Variants in PIEZO2 observed in about 807,000 individuals in gnomAD.
The protein encoded by PIEZO2 is piezo-type mechanosensitive ion channel component 2.
A neutral mutation model predicts 337.3 loss-of-function variants in PIEZO2; 172 were observed. That is an observed-to-expected ratio of 0.51 (90% CI 0.45 to 0.58). PIEZO2 has a LOEUF of 0.58. Ranked by LOEUF, PIEZO2 falls within the 20% of genes least tolerant of loss-of-function variation. The pLI is 0.00. For missense variants in PIEZO2, 3,028 were observed against 3,391.3 expected, an observed-to-expected ratio of 0.89 and a Z score of 2.66; for synonymous variants, 1,251 against 1,228.5, an observed-to-expected ratio of 1.02 and a Z score of -0.38.
At chr18:10,970,043 A>G (rs559239523) in intron 3 of PIEZO2, among the ~76,000 whole-genome samples, 1 of 152,346 alleles carries the variant, frequency 6.6e-6, no homozygotes, top group South Asian at 2.1e-4. Flanking sequence ...TAATTTGATC[A>G]TATTCTAATG....
At chr18:10,694,802 T>A (rs1194655035) in intron 47 of PIEZO2, among the ~76,000 whole-genome samples, 3 of 152,108 alleles carry the variant, frequency 2.0e-5, no homozygotes, top group African/African-American at 7.2e-5. Flanking sequence ...GCCACTGCAC[T>A]CTAGCCTGGG....
At position 10,672,080 on chromosome 18, in the gene PIEZO2, G is replaced by A. The variant is rs975061644; in HGVS notation, c.8346-301C>T. Among the ~76,000 whole-genome samples, 3 of 152,156 alleles carry A rather than the reference G, an allele frequency of 2.0e-5. No individual in the cohort carries two copies. Among genetic ancestry groups the A allele is most frequent in the South Asian group, 2.1e-4 (1 of 4,832 alleles). On this transcript the variant is annotated intron_variant, in intron 55 of 55. Coordinates refer to ENST00000674853, the MANE Select transcript of PIEZO2 (RefSeq NM_001378183.1). The surrounding 1 kb of genome is among the most constrained non-coding windows in gnomAD (Gnocchi z 4.7). Reference sequence around the variant, plus strand: ...TCATGTATGAACTTTAGGTGGTTTTGTTGCATATATTAAATGCATAAACCA... The same window carrying A: ...TCATGTATGAACTTTAGGTGGTTTTATTGCATATATTAAATGCATAAACCA...
intron 2 of PIEZO2, among the ~76,000 whole-genome samples, chr18:11,034,514 C>T (rs1348060830): frequency 5.9e-5 from 9 of 152,022 alleles, no homozygotes; most frequent in Non-Finnish European, 1.2e-4. Flanking sequence ...AGGATGGTCT[C>T]GATCTCCTGA....
chr18:11,055,845 T>G (rs2037714991), intron 2 of PIEZO2, among the ~76,000 whole-genome samples: 1 of 152,090 alleles, frequency 6.6e-6, no homozygotes. Flanking sequence ...CCTTCCCCGT[T>G]GTGTGCGCCC....
chr18:11,085,475 G>C lies in PIEZO2; in HGVS notation c.65-19253C>G, dbSNP rs2038878663. 4.6e-5 allele frequency among the ~76,000 whole-genome samples: 7 copies of C among 152,172 alleles called. No individual in the cohort carries two copies. The South Asian group carries it at 1.5e-3, about 32-fold the overall frequency. On this transcript the variant is annotated intron_variant, in intron 1 of 55. Coordinates refer to ENST00000674853, the MANE Select transcript of PIEZO2 (RefSeq NM_001378183.1). ...TCTTCCTTCCCCCTGTAACGTATCA[G>C]GCAAAATGCAGCTCCAAGCCCATTT...
chr18:10,682,201 C>T lies in PIEZO2; in HGVS notation c.7589G>A (p.Trp2530Ter), dbSNP rs1346091194. ...CAAAGACATGAAGAGAAGAGGAAACCAGACAATGCAGATGAGCAGGACGAT... is the reference window on the plus strand; with the variant it reads ...CAAAGACATGAAGAGAAGAGGAAACTAGACAATGCAGATGAGCAGGACGAT... Reference protein sequence around the residue: ...MIIVLLICIVWFPLLFMSLIK... With the variant: ...MIIVLLICIV Residue 2530 changes from tryptophan to a stop codon, truncating the protein, a stop_gained, in exon 50 of 56, where the codon TGG becomes TAG. Transcript: ENST00000674853. LOFTEE classifies it high-confidence loss of function. This position sits in a 1 kb window ranked among gnomAD's most constrained non-coding sequence, Gnocchi z 5.6. 6.5e-7 allele frequency: 1 copy of T among 1,537,186 alleles called. No homozygotes were observed. The highest frequency in any genetic ancestry group is 8.7e-7 in the Non-Finnish European group (1 of 1,146,902).
At chr18:11,087,536 T>C (rs1465822037) in intron 1 of PIEZO2, among the ~76,000 whole-genome samples, 2 of 152,242 alleles carry the variant, frequency 1.3e-5, no homozygotes, top group African/African-American at 4.8e-5. Flanking sequence ...AAGAAGCTTA[T>C]GACCTCAATG....
chr18:10,755,761 G>C (rs930056731), intron 27 of PIEZO2, among the ~76,000 whole-genome samples: 1 of 152,126 alleles, frequency 6.6e-6, no homozygotes, highest in African/African-American at 2.4e-5. Flanking sequence ...ACAGGCACAG[G>C]GTGGAATCTA....
intron 3 of PIEZO2, among the ~76,000 whole-genome samples, chr18:10,922,517 G>C (rs1056303392): frequency 2.0e-5 from 3 of 152,092 alleles, no homozygotes; most frequent in Non-Finnish European, 4.4e-5. Context: ...CAGGGGCTGA[G>C]CAGAGGCTGA....
intron 3 of PIEZO2, among the ~76,000 whole-genome samples, chr18:10,968,018 A>G (rs1259380042): frequency 6.6e-6 from 1 of 152,164 alleles, no homozygotes; most frequent in African/African-American, 2.4e-5. Flanking sequence ...CTTGGTCATG[A>G]AGTCTTTGCC....
chr18:10,837,940 C>T lies in PIEZO2; in HGVS notation c.917+17413G>A, dbSNP rs538086877. On this transcript the variant is annotated intron_variant, in intron 7 of 55. Transcript: ENST00000674853. This position sits in a 1 kb window ranked among gnomAD's most constrained non-coding sequence, Gnocchi z 4.4. ...CTAATTTTTGTATTTTTAGTAGAGA[C>T]GGGGTTTCGTCATGTTGGCCAGGCT... is the stretch of plus-strand genomic sequence containing the variant. Among the ~76,000 whole-genome samples the T allele has an allele frequency of 8.5e-5, 13 of 152,094 alleles. No individual in the cohort carries two copies. The highest frequency in any genetic ancestry group is 2.4e-4 in the African/African-American group (10 of 41,510).
At chr18:10,902,210 C>T (rs748128569) in intron 4 of PIEZO2, among the ~76,000 whole-genome samples, 37 of 152,240 alleles carry the variant, frequency 2.4e-4, no homozygotes, top group Admixed American at 4.6e-4. Context: ...CCCCTACCCC[C>T]ATCCGTGGAA....
In PIEZO2 at chr18:10,861,375, T is replaced by TAA. The variant is rs540632745; in HGVS notation, c.493-4165_493-4164insTT. On this transcript the variant is annotated intron_variant, in intron 5 of 55. Coordinates refer to ENST00000674853, the MANE Select transcript of PIEZO2 (RefSeq NM_001378183.1). This position sits in a 1 kb window ranked among gnomAD's most constrained non-coding sequence, Gnocchi z 4.3. ...ATTGACCATGTCAAAATCTAAAACT[T>TAA]ATTTAAAGATATTTAAGTCCTTTAT... 3.7e-4 allele frequency among the ~76,000 whole-genome samples: 56 copies of TAA among 152,384 alleles called. 2 individuals carry two copies. In the South Asian group the frequency reaches 0.012, roughly 32 times the overall value.
chr18:10,726,759 G>A lies in PIEZO2; in HGVS notation c.5029+4648C>T, dbSNP rs1224550723. The A allele has an allele frequency of 2.7e-6, 4 of 1,500,580 alleles. No individual in the cohort carries two copies. Among genetic ancestry groups the A allele is most frequent in the Non-Finnish European group, 3.7e-6 (4 of 1,080,488 alleles). The allele number at this position is 1,500,580 out of a possible 1,614,324, so 93.0% of individuals were successfully genotyped here. A position where few individuals can be genotyped will look rare whatever the true frequency, so the allele number is the denominator to read the frequency against. ...GCCAGACCATCGATTTCCCGCTGCT[G>A]ACCTCACTGGGCAAGGTGTCCTATG... On this transcript the variant is annotated intron_variant, in intron 36 of 55. Coordinates refer to ENST00000674853, the MANE Select transcript of PIEZO2 (RefSeq NM_001378183.1). The surrounding 1 kb of genome is among the most constrained non-coding windows in gnomAD (Gnocchi z 5.9).
chr18:11,123,542 C>A (rs1243958628), intron 1 of PIEZO2, among the ~76,000 whole-genome samples: 1 of 152,178 alleles, frequency 6.6e-6, no homozygotes, highest in African/African-American at 2.4e-5. Context: ...GGCACGGTGG[C>A]TCATGCCTGT....
At position 10,993,378 on chromosome 18, in the gene PIEZO2, C is replaced by T. The variant is rs539858842; in HGVS notation, c.161-13718G>A. Among the ~76,000 whole-genome samples the T allele has an allele frequency of 3.4e-4, 52 of 152,196 alleles. No individual in the cohort carries two copies. The highest frequency in any genetic ancestry group is 4.7e-4 in the Non-Finnish European group (32 of 68,018). ...AAACAGCTCTTATTATTTTGAGATG[C>T]GTTCTATTGATACCTAGTTTATTGA... On this transcript the variant is annotated intron_variant, in intron 2 of 55. Transcript: ENST00000674853. This position sits in a 1 kb window ranked among gnomAD's most constrained non-coding sequence, Gnocchi z 5.0.
At chr18:10,710,880 C>A (rs188428241) in intron 39 of PIEZO2, among the ~76,000 whole-genome samples, 8 of 152,326 alleles carry the variant, frequency 5.3e-5, no homozygotes, top group African/African-American at 1.9e-4. Context: ...CAGCTCACTG[C>A]AGAAAAGGGC....
chr18:10,867,479 C>T (rs2042035516), intron 5 of PIEZO2, among the ~76,000 whole-genome samples: 1 of 152,162 alleles, frequency 6.6e-6, no homozygotes. Context: ...TATTGCATCC[C>T]TGAATTTTTA....
chr18:10,675,289 C>T lies in PIEZO2; in HGVS notation c.8082-1G>A. 6.9e-7 allele frequency: 1 copy of T among 1,458,540 alleles called. No individual in the cohort carries two copies. Among genetic ancestry groups the T allele is most frequent in the African/African-American group, 1.5e-5 (1 of 68,858 alleles). 90.3% of individuals were successfully genotyped at this position (1,458,540 alleles called of 1,614,324 possible). ...ATATGGATAAATCTTTTCTATGGTC[C>T]TGTACATTAAGAAAAAAAAGATACA... On this transcript the variant is annotated splice_acceptor_variant, in intron 53 of 55. Transcript: ENST00000674853. LOFTEE classifies it high-confidence loss of function.
Sources: gnomAD v4.1 joint callset for allele counts (sites outside exome capture counted in the v4.1 genomes callset) on GRCh38, gnomAD v4.1.1 for gene constraint, Gnocchi (gnomAD v3.1) non-coding constraint, MANE v1.5 for transcripts, NCBI Gene and HGNC (gene_info 2026-07-23, HGNC 2026-07-21) for gene names.